The following SLC2A9 variants were observed in gnomAD, a reference collection of about 807,000 sequenced individuals.
The protein encoded by SLC2A9 is solute carrier family 2, facilitated glucose transporter member 9.
Under a neutral mutation model 50.6 loss-of-function variants are expected in SLC2A9, and 39 were observed. The observed-to-expected ratio is 0.77, with a 90% CI of 0.60 to 1.01. The LOEUF (loss-of-function observed/expected upper bound fraction) is 1.01, where lower values mean the gene tolerates loss of function less well. SLC2A9 is among the 50% of genes least tolerant of loss of function. SLC2A9 has a pLI of 0.00. For missense variants in SLC2A9, 686 were observed against 677.6 expected, an observed-to-expected ratio of 1.01 and a Z score of -0.14; for synonymous variants, 324 against 276.9, an observed-to-expected ratio of 1.17 and a Z score of -1.69.
chr4:9,829,550 CA>C (rs1445910951), intron 11 of SLC2A9, among the ~76,000 whole-genome samples: 1 of 150,788 alleles, frequency 6.6e-6, no homozygotes, highest in Non-Finnish European at 1.5e-5. Context: ...TTCTCCACTG[CA>C]AAAGAAACTA....
rs184194949 is a variant in SLC2A9, at chr4:9,799,935, A to C, written n.421-694T>G. ...ATTTGGTAAAGCTGTTGTAGGAATA[A>C]CTTCAAGGGCGGATGATGTGCTGAA... On this transcript the variant is annotated intron_variant and non_coding_transcript_variant, in intron 3 of 3. Coordinates refer to the SLC2A9 transcript ENST00000503280. 6.6e-5 allele frequency among the ~76,000 whole-genome samples: 10 copies of C among 152,270 alleles called. No homozygotes were observed. In the East Asian group the frequency reaches 1.9e-3, roughly 29 times the overall value.
intron 7 of SLC2A9, among the ~76,000 whole-genome samples, chr4:9,919,891 G>A (rs1743579366): frequency 6.6e-6 from 1 of 152,048 alleles, no homozygotes. Flanking sequence ...CAAGCATCTG[G>A]GGAACCTCAT....
intron 8 of SLC2A9, among the ~76,000 whole-genome samples, chr4:9,894,974 C>T (rs1038693550): frequency 1.3e-5 from 2 of 152,150 alleles, no homozygotes; most frequent in Admixed American, 6.5e-5. Flanking sequence ...TCATGTGTTA[C>T]ATTGTTTTAC....
rs113888142 is a variant in SLC2A9 at position 9,846,014 on chromosome 4, G to C, written c.1292-11006C>G. On this transcript the variant is annotated intron_variant, in intron 10 of 11. Coordinates refer to ENST00000264784, the MANE Select transcript of SLC2A9 (RefSeq NM_020041.3). The stretch of plus-strand genomic sequence containing the variant: ...TGCTAGGCAATTGCAGACTCTACTA[G>C]TTGATGTAAGAACTATCTTGGGAGG... Among the ~76,000 whole-genome samples, 872 of 152,280 alleles carry C rather than the reference G, an allele frequency of 5.7e-3. 8 individuals carry two copies. Among genetic ancestry groups the C allele is most frequent in the African/African-American group, 0.02 (821 of 41,560 alleles).
chr4:9,900,383 G>C lies in SLC2A9; in HGVS notation c.1113+7852C>G, dbSNP rs544567792. ...TCAGGAGCACATCCCAAGAGTCAGA[G>C]GGTGAGCTGCAGGAACGGACTTGTG... On this transcript the variant is annotated intron_variant, in intron 8 of 11. Transcript: ENST00000264784. 2.6e-5 allele frequency among the ~76,000 whole-genome samples: 4 copies of C among 152,274 alleles called. No homozygotes were observed. In the East Asian group the frequency reaches 7.7e-4, roughly 29 times the overall value.
At chr4:9,971,890 T>C (rs1352157368) in intron 5 of SLC2A9, among the ~76,000 whole-genome samples, 1 of 152,226 alleles carries the variant, frequency 6.6e-6, no homozygotes, top group Non-Finnish European at 1.5e-5. Context: ...GAGAAAATAC[T>C]GCTGCGAGAA....
chr4:9,826,011 TC>T (rs1725071850), downstream of SLC2A9, among the ~76,000 whole-genome samples: 1 of 152,088 alleles, frequency 6.6e-6, no homozygotes, highest in African/African-American at 2.4e-5. Flanking sequence ...ATCCGTTGAG[TC>T]CCCTATCAGA....
At position 10,029,583 on chromosome 4, in the gene SLC2A9, T is replaced by TTTTAC. The variant is rs1763868713; in HGVS notation, c.-40-3578_-40-3577insGTAAA. ...TTATTTTATTTATTTTATATTTTTATTTTATTTTATATTATTTTATTTTAT... is the reference window on the plus strand; with the variant it reads ...TTATTTTATTTATTTTATATTTTTATTTTACTTTATTTTATATTATTTTATTTTAT... On this transcript the variant is annotated intron_variant, in intron 1 of 12. Transcript: ENST00000309065. 2.3e-5 allele frequency among the ~76,000 whole-genome samples: 3 copies of TTTTAC among 128,110 alleles called. No individual in the cohort carries two copies. The South Asian group carries it at 7.3e-4, about 31-fold the overall frequency. 84.0% of individuals were successfully genotyped at this position (128,110 alleles called of 152,430 possible).
chr4:9,885,986 A>C lies in SLC2A9; in HGVS notation c.1291+1581T>G, dbSNP rs74991865. Among the ~76,000 whole-genome samples, 828 of 152,352 alleles carry C rather than the reference A, an allele frequency of 5.4e-3. 6 individuals are homozygous for C. The highest frequency in any genetic ancestry group is 0.019 in the African/African-American group (797 of 41,570). ...TAAACAAATGAGTACGCAGGAAACCAACATGCCTGTGAACAATGCTATGAT... is the reference window on the plus strand; with the variant it reads ...TAAACAAATGAGTACGCAGGAAACCCACATGCCTGTGAACAATGCTATGAT... On this transcript the variant is annotated intron_variant, in intron 10 of 11. Coordinates refer to ENST00000264784, the MANE Select transcript of SLC2A9 (RefSeq NM_020041.3).
At chr4:9,853,898 G>T (rs975917062) in intron 10 of SLC2A9, among the ~76,000 whole-genome samples, 1 of 152,020 alleles carries the variant, frequency 6.6e-6, no homozygotes, top group Non-Finnish European at 1.5e-5. Context: ...AATGACTTTT[G>T]GGTGAATGAT....
intron 10 of SLC2A9, among the ~76,000 whole-genome samples, chr4:9,871,670 C>A (rs531318555): frequency 6.6e-6 from 1 of 152,194 alleles, no homozygotes; most frequent in Non-Finnish European, 1.5e-5. Context: ...GACCTTATTT[C>A]TAACCAAGGT....
intron 10 of SLC2A9, chr4:9,879,174 T>C: frequency 1.0e-6 from 1 of 984,650 alleles, no homozygotes; most frequent in Non-Finnish European, 1.2e-6. Flanking sequence ...GGGGTGGGGA[T>C]ACACTAGGAG....
At chr4:9,978,130 G>GC (rs1225239831) in intron 5 of SLC2A9, among the ~76,000 whole-genome samples, 1 of 152,206 alleles carries the variant, frequency 6.6e-6, no homozygotes, top group African/African-American at 2.4e-5. Flanking sequence ...GGGAATTTGG[G>GC]ACTTGCAACC....
At chr4:9,864,332 A>G (rs944139516) in intron 10 of SLC2A9, among the ~76,000 whole-genome samples, 2 of 152,226 alleles carry the variant, frequency 1.3e-5, no homozygotes, top group Non-Finnish European at 2.9e-5. Flanking sequence ...GCTTCTTGAC[A>G]GCAGAAGTGA....
intron 2 of SLC2A9, among the ~76,000 whole-genome samples, chr4:10,000,480 A>G (rs1176966500): frequency 6.6e-6 from 1 of 152,206 alleles, no homozygotes; most frequent in African/African-American, 2.4e-5. Flanking sequence ...AGGATGGCCC[A>G]TCTGGTGACT....
intron 8 of SLC2A9, among the ~76,000 whole-genome samples, chr4:9,905,063 T>C (rs1346942998): frequency 6.6e-6 from 1 of 152,184 alleles, no homozygotes; most frequent in African/African-American, 2.4e-5. Context: ...GTGTTGCATG[T>C]GGTAATTGTT....
At chr4:9,950,544 G>A (rs533128108) in intron 5 of SLC2A9, among the ~76,000 whole-genome samples, 6 of 151,960 alleles carry the variant, frequency 3.9e-5, no homozygotes, top group Non-Finnish European at 5.9e-5. Flanking sequence ...AATCAAAACC[G>A]CAATGAGATA....
At chr4:10,002,924 G>A (rs74377900) in intron 2 of SLC2A9, among the ~76,000 whole-genome samples, 5,334 of 152,240 alleles carry the variant, frequency 0.035, 264 homozygotes, top group African/African-American at 0.11. Flanking sequence ...CCGTCAGACC[G>A]TGGTGAATAC....
chr4:10,027,316 G>A (rs915200111), intron 1 of SLC2A9, among the ~76,000 whole-genome samples: 2 of 152,052 alleles, frequency 1.3e-5, no homozygotes, highest in Non-Finnish European at 2.9e-5. Flanking sequence ...CTTTAAAATG[G>A]TTAATTTTTC....
Sources: allele counts gnomAD v4.1 joint callset (sites outside exome capture counted in the v4.1 genomes callset), GRCh38; gene constraint gnomAD v4.1.1; transcripts MANE v1.5; gene names NCBI Gene and HGNC (gene_info 2026-07-23, HGNC 2026-07-21).